The following MTBP variants were observed in gnomAD, a reference collection of about 807,000 sequenced individuals.
MTBP encodes MDM2 binding protein, also known as mdm2-binding protein.
Under a neutral mutation model 117.0 loss-of-function variants are expected in MTBP, and 101 were observed. The observed-to-expected ratio is 0.86, with a 90% CI of 0.73 to 1.02. The LOEUF (loss-of-function observed/expected upper bound fraction) is 1.02, where lower values mean the gene tolerates loss of function less well. MTBP is among the 50% of genes least tolerant of loss of function. MTBP has a pLI of 0.00. For missense variants in MTBP, 970 were observed against 1,030.9 expected (o/e 0.94, Z 0.81); for synonymous variants, 350 against 351.5 (o/e 1.00, Z 0.05).
At chr8:120,490,835 T>C (rs1814328705) in intron 13 of MTBP, 2 of 246,530 alleles carry the variant, frequency 8.1e-6, no homozygotes, top group Non-Finnish European at 1.5e-5. Context: ...TTGTTTTTAA[T>C]TGTATGCTAG....
intron 12 of MTBP, 23 bp from the exon 13 acceptor site, chr8:120,490,440 C>CT (rs765099676): frequency 0.011 from 14,006 of 1,264,588 alleles, 2 homozygotes; most frequent in African/African-American, 0.012. Context: ...TAATGTTGAC[C>CT]TTTTTTTTTT....
At position 120,455,531 on chromosome 8, in the gene MTBP, G is replaced by C. The variant is rs759033450; in HGVS notation, c.581G>C (p.Arg194Thr). 6.2e-7 allele frequency: 1 copy of C among 1,609,908 alleles called. No homozygotes were observed. The highest frequency in any genetic ancestry group is 8.5e-7 in the Non-Finnish European group (1 of 1,178,052). Residue 194 changes from arginine (R) to threonine (T), a missense_variant, in exon 6 of 22, where the codon AGA becomes ACA. Arg to Thr is a moderately conservative substitution (Grantham distance 71, BLOSUM62 -1). Transcript: ENST00000305949. Reference sequence around the variant, plus strand: ...ACTGTAGGAGCATTAAAACATTTGAGAGAATGGTATTCAGCAAAGATCACT... The same window carrying C: ...ACTGTAGGAGCATTAAAACATTTGACAGAATGGTATTCAGCAAAGATCACT... ...LPTVGALKHL[R>T]EWYSAKITIA...
At chr8:120,447,367 A>G (rs1422816166) in intron 2 of MTBP, among the ~76,000 whole-genome samples, 2 of 152,084 alleles carry the variant, frequency 1.3e-5, no homozygotes, top group East Asian at 3.9e-4. Flanking sequence ...TCCAAGGCCT[A>G]GTAATACTCA....
Position 120,482,557 on chromosome 8 carries a change from A to C in MTBP, c.1166-5602A>C, listed in dbSNP as rs993673383. ...TGTGTATTTTATTATATAGTAATTG[A>C]GAGGAAATGTATATAGTTTATGATC... On this transcript the variant is annotated intron_variant, in intron 11 of 21. Transcript: ENST00000305949. 2.0e-5 allele frequency among the ~76,000 whole-genome samples: 3 copies of C among 152,176 alleles called. No individual in the cohort carries two copies. The South Asian group carries it at 6.2e-4, about 32-fold the overall frequency.
At chr8:120,488,680 A>G (rs1469428118) in intron 12 of MTBP, among the ~76,000 whole-genome samples, 3 of 152,072 alleles carry the variant, frequency 2.0e-5, no homozygotes, top group Admixed American at 6.6e-5. Context: ...TTTATTGCCC[A>G]TCTTTCCCTC....
At chr8:120,522,536 TA>T in intron 20 of MTBP, 117 bp from the exon 21 acceptor site, 1 of 681,370 alleles carries the variant, frequency 1.5e-6, no homozygotes, top group Non-Finnish European at 2.4e-6. Flanking sequence ...AGTCTGTCCC[TA>T]ATCACATTAA....
intron 7 of MTBP, among the ~76,000 whole-genome samples, chr8:120,457,078 C>T (rs895530291): frequency 6.6e-6 from 1 of 152,108 alleles, no homozygotes; most frequent in African/African-American, 2.4e-5. Context: ...CTACTTAGAG[C>T]ATATTGTCTT....
At chr8:120,492,276 G>T (rs145200703) in intron 13 of MTBP, among the ~76,000 whole-genome samples, 23 of 152,354 alleles carry the variant, frequency 1.5e-4, no homozygotes, top group Admixed American at 1.4e-3. Context: ...AAAACTTGGA[G>T]ACAAAGATGC....
At position 120,488,146 on chromosome 8, in the gene MTBP, T is replaced by G; in HGVS notation, c.1166-13T>G. On this transcript the variant is annotated splice_polypyrimidine_tract_variant and intron_variant, in intron 11 of 21. Transcript: ENST00000305949. ...ATTTTCACATACTTAACAAGATAATTGTTTTTGTTTAGTTCCAGATGTTGA... is the reference window on the plus strand; with the variant it reads ...ATTTTCACATACTTAACAAGATAATGGTTTTTGTTTAGTTCCAGATGTTGA... 6.4e-7 allele frequency: 1 copy of G among 1,574,372 alleles called. No individual in the cohort carries two copies. The highest frequency in any genetic ancestry group is 8.6e-7 in the Non-Finnish European group (1 of 1,164,384).
At chr8:120,462,221 T>A (rs1813595366) in intron 9 of MTBP, among the ~76,000 whole-genome samples, 3 of 152,214 alleles carry the variant, frequency 2.0e-5, no homozygotes, top group Admixed American at 2.0e-4. Flanking sequence ...AAAGTAAATT[T>A]TAGATCATGC....
chr8:120,498,106 A>G (rs899701094), intron 14 of MTBP, among the ~76,000 whole-genome samples: 1 of 152,210 alleles, frequency 6.6e-6, no homozygotes, highest in African/African-American at 2.4e-5. Flanking sequence ...CTGTGGAGCT[A>G]AATGGTCAGG....
chr8:120,496,785 A>C (rs1039178869), intron 13 of MTBP, among the ~76,000 whole-genome samples: 1 of 151,836 alleles, frequency 6.6e-6, no homozygotes, highest in East Asian at 1.9e-4. Context: ...AAGGACCTGC[A>C]GTTCTGACTT....
chr8:120,455,951 C>T (rs12674802), intron 6 of MTBP, among the ~76,000 whole-genome samples: 146,608 of 152,216 alleles, frequency 0.96, 70,642 homozygotes, highest in East Asian at 1. Context: ...TTATGATATT[C>T]TAGCAAGGAT....
rs367812571 is a variant in MTBP at position 120,466,545 on chromosome 8, T to A, written c.1047+2784T>A. Among the ~76,000 whole-genome samples, 103 of 152,036 alleles carry A rather than the reference T, an allele frequency of 6.8e-4. 1 individual carries two copies. The highest frequency in any genetic ancestry group is 2.3e-3 in the African/African-American group (96 of 41,506). On this transcript the variant is annotated intron_variant, in intron 10 of 21. Coordinates refer to ENST00000305949, the MANE Select transcript of MTBP (RefSeq NM_022045.5). ...TTCACATTTTTGAAAAAGTGTTTAATTACATACCAGTTCTTTGAAATCTAG... is the reference window on the plus strand; with the variant it reads ...TTCACATTTTTGAAAAAGTGTTTAAATACATACCAGTTCTTTGAAATCTAG...
At chr8:120,500,854 C>T (rs956116425) in intron 14 of MTBP, among the ~76,000 whole-genome samples, 2 of 151,304 alleles carry the variant, frequency 1.3e-5, no homozygotes, top group Admixed American at 6.6e-5. Flanking sequence ...GCCAGATGTT[C>T]GAGACCAACC....
chr8:120,464,454 G>A (rs1337018653), intron 10 of MTBP, among the ~76,000 whole-genome samples: 1 of 150,702 alleles, frequency 6.6e-6, no homozygotes, highest in Non-Finnish European at 1.5e-5. Context: ...TTTATTGGCA[G>A]TACTTACATT....
intron 11 of MTBP, 93 bp from the exon 12 acceptor site, chr8:120,488,066 A>G: frequency 9.2e-7 from 1 of 1,091,182 alleles, no homozygotes; most frequent in South Asian, 2.1e-5. Flanking sequence ...AAATAACAAA[A>G]AATTTTATTA....
chr8:120,490,912 T>G (rs1814331797), intron 13 of MTBP, among the ~76,000 whole-genome samples: 1 of 152,178 alleles, frequency 6.6e-6, no homozygotes, highest in Admixed American at 6.5e-5. Context: ...TATATTTTTG[T>G]AGCGGAAGTT....
At chr8:120,522,849 C>G in intron 21 of MTBP, 130 bp downstream of exon 21, 1 of 634,016 alleles carries the variant, frequency 1.6e-6, no homozygotes, top group South Asian at 2.8e-5. Context: ...TATGAAAACT[C>G]TTTAAGAAAC....
Sources: gnomAD v4.1 joint callset for allele counts (sites outside exome capture counted in the v4.1 genomes callset) on GRCh38, gnomAD v4.1.1 for gene constraint, MANE v1.5 for transcripts, NCBI Gene and HGNC (gene_info 2026-07-23, HGNC 2026-07-21) for gene names.